Variants in NYAP2 observed in about 807,000 individuals in gnomAD.
NYAP2 encodes neuronal tyrosine-phosphorylated phosphoinositide-3-kinase adaptor 2.
Under a neutral mutation model 50.4 loss-of-function variants are expected in NYAP2, and 23 were observed. The observed-to-expected ratio is 0.46, with a 90% CI of 0.33 to 0.65. The LOEUF (loss-of-function observed/expected upper bound fraction) is 0.65. Among genes scored for constraint, NYAP2 ranks in the 30% least tolerant of loss-of-function variants. The probability of loss-of-function intolerance (pLI) is 0.02; values close to 1 mark genes in which losing one functional copy is unlikely to be tolerated. For missense variants in NYAP2, 885 were observed against 861.0 expected, an observed-to-expected ratio of 1.03 and a Z score of -0.35; for synonymous variants, 394 against 365.2, an observed-to-expected ratio of 1.08 and a Z score of -0.90.
At chr2:225,566,754 C>A (rs560116533) in intron 4 of NYAP2, among the ~76,000 whole-genome samples, 1 of 152,154 alleles carries the variant, frequency 6.6e-6, no homozygotes, top group Non-Finnish European at 1.5e-5. Context: ...AAAGAGTTAT[C>A]AACCACTGGT....
Position 225,472,814 on chromosome 2 carries a change from A to AT in NYAP2, c.222-40551dup, listed in dbSNP as rs1260540307. On this transcript the variant is annotated intron_variant, in intron 3 of 6. Transcript: ENST00000636099. ...CCTTTGATTTTCTTTTTTTTCTTTT[A>AT]TTTTTTAATTATACTTTAAGTTCTA... is the stretch of plus-strand genomic sequence containing the variant. Among the ~76,000 whole-genome samples the AT allele has an allele frequency of 1.5e-4, 22 of 151,530 alleles. No homozygotes were observed. In the South Asian group the frequency reaches 2.1e-3, roughly 14 times the overall value.
chr2:225,499,409 T>A (rs1477662255), intron 3 of NYAP2, among the ~76,000 whole-genome samples: 3 of 151,514 alleles, frequency 2.0e-5, no homozygotes, highest in African/African-American at 7.3e-5. Context: ...GCCTCCGGGG[T>A]TCACGCCATG....
At chr2:225,505,747 T>C (rs1011410307) in intron 3 of NYAP2, among the ~76,000 whole-genome samples, 19 of 152,340 alleles carry the variant, frequency 1.2e-4, no homozygotes, top group African/African-American at 4.3e-4. Context: ...GAAACCCAAA[T>C]ATAATTGGCT....
At chr2:225,671,405 C>G in the NYAP2 span, among the ~76,000 whole-genome samples, 2 of 152,270 alleles carry the variant, frequency 1.3e-5, no homozygotes, top group South Asian at 4.1e-4. Flanking sequence ...TAAAGAGCAA[C>G]TCATCATGTG....
intron 4 of NYAP2, among the ~76,000 whole-genome samples, chr2:225,561,546 G>C (rs116014756): frequency 6.6e-6 from 1 of 152,050 alleles, no homozygotes; most frequent in Non-Finnish European, 1.5e-5. Context: ...CTGTACTCCA[G>C]GCCCTTGGAT....
At chr2:225,438,767 T>C (rs912482855) in intron 3 of NYAP2, among the ~76,000 whole-genome samples, 2 of 152,180 alleles carry the variant, frequency 1.3e-5, no homozygotes, top group African/African-American at 2.4e-5. Flanking sequence ...TGGGGATGTA[T>C]ATGTTTTGGA....
At chr2:225,469,252 CAT>C (rs1197636067) in intron 3 of NYAP2, among the ~76,000 whole-genome samples, 18 of 152,120 alleles carry the variant, frequency 1.2e-4, no homozygotes, top group Non-Finnish European at 1.9e-4. Flanking sequence ...AGCCAACAAA[CAT>C]ATGAAAAAAT....
chr2:225,622,503 TTTC>T (rs1294235991), intron 5 of NYAP2, among the ~76,000 whole-genome samples: 3 of 18,156 alleles, frequency 1.7e-4, no homozygotes, highest in Admixed American at 2.1e-3. Flanking sequence ...TTTTATTTCT[TTTC>T]TTTCTTTCTT....
At chr2:225,586,873 C>T (rs1300464264) in intron 5 of NYAP2, among the ~76,000 whole-genome samples, 1 of 152,116 alleles carries the variant, frequency 6.6e-6, no homozygotes, top group Admixed American at 6.5e-5. Flanking sequence ...CACTCTGCTA[C>T]AAAGAACTAC....
chr2:225,626,885 T>G (rs2106257810), intron 5 of NYAP2, 32 bp from the exon 6 acceptor site: 1 of 1,477,210 alleles, frequency 6.8e-7, no homozygotes, highest in East Asian at 2.5e-5. Context: ...TTTACTCTTG[T>G]TTAACAGAAT....
intron 3 of NYAP2, among the ~76,000 whole-genome samples, chr2:225,486,245 A>T (rs1277906398): frequency 1.3e-5 from 2 of 152,184 alleles, no homozygotes; most frequent in African/African-American, 4.8e-5. Context: ...CTGCTTGGAA[A>T]ATAAATTAGC....
At chr2:225,491,549 A>G (rs1451786824) in intron 3 of NYAP2, among the ~76,000 whole-genome samples, 1 of 152,198 alleles carries the variant, frequency 6.6e-6, no homozygotes, top group African/African-American at 2.4e-5. Flanking sequence ...TTCATCAAAT[A>G]TATCTCTATA....
chr2:225,679,785 G>T, the NYAP2 span, among the ~76,000 whole-genome samples: 4 of 152,004 alleles, frequency 2.6e-5, no homozygotes. Context: ...GAGCCACTGT[G>T]CCCGGCCTGA....
chr2:225,482,548 G>C (rs548075963), intron 3 of NYAP2, among the ~76,000 whole-genome samples: 41 of 152,244 alleles, frequency 2.7e-4, no homozygotes, highest in African/African-American at 9.6e-4. Context: ...TCAATAGAAA[G>C]AGAGTGTGGG....
intron 4 of NYAP2, among the ~76,000 whole-genome samples, chr2:225,539,875 C>G (rs1021351183): frequency 6.6e-6 from 1 of 152,136 alleles, no homozygotes; most frequent in Non-Finnish European, 1.5e-5. Context: ...ATGCTTTTAA[C>G]AGAACCCAAG....
At chr2:225,641,077 C>T (rs551618184) in intron 6 of NYAP2, among the ~76,000 whole-genome samples, 47 of 152,214 alleles carry the variant, frequency 3.1e-4, no homozygotes, top group African/African-American at 1.1e-3. Context: ...GTGCTGACTC[C>T]AGTTTTGACT....
chr2:225,658,798 A>G (rs1693865852), downstream of NYAP2, among the ~76,000 whole-genome samples: 1 of 152,216 alleles, frequency 6.6e-6, no homozygotes, highest in South Asian at 2.1e-4. Flanking sequence ...GAAATGTTGG[A>G]ATTATTTCCT....
At chr2:225,585,741 G>A (rs1393947436) in intron 5 of NYAP2, among the ~76,000 whole-genome samples, 2 of 152,160 alleles carry the variant, frequency 1.3e-5, no homozygotes, top group Non-Finnish European at 2.9e-5. Flanking sequence ...GTTTATTTTT[G>A]ACTCTCGAGG....
At chr2:225,643,149 G>C (rs1337444773) in intron 6 of NYAP2, among the ~76,000 whole-genome samples, 1 of 151,830 alleles carries the variant, frequency 6.6e-6, no homozygotes, top group Non-Finnish European at 1.5e-5. Flanking sequence ...TAGAACCTTG[G>C]AATTTGCTTC....
Sources: gnomAD v4.1 joint callset for allele counts (sites outside exome capture counted in the v4.1 genomes callset) on GRCh38, gnomAD v4.1.1 for gene constraint, MANE v1.5 for transcripts, NCBI Gene and HGNC (gene_info 2026-07-23, HGNC 2026-07-21) for gene names.